NTF3: variants seen among roughly 807,000 people sequenced by gnomAD.
The protein encoded by NTF3 is neurotrophin 3.
In NTF3, 8 loss-of-function variants were observed where a neutral mutation model predicts 26.3. The ratio of observed to expected loss-of-function variants is 0.30; its 90% CI spans 0.18 to 0.55. NTF3 has a LOEUF of 0.55. NTF3 is among the 20% of genes least tolerant of loss of function. The pLI, the probability that NTF3 is intolerant of heterozygous loss-of-function variation, is 0.93. For synonymous variants in NTF3, 154 were observed against 145.5 expected (o/e 1.06, Z -0.42); for missense variants, 276 against 352.9 (o/e 0.78, Z 1.75).
chr12:5,462,661 A>T (rs1024365933), intron 1 of NTF3, among the ~76,000 whole-genome samples: 1 of 152,224 alleles, frequency 6.6e-6, no homozygotes, highest in African/African-American at 2.4e-5. Flanking sequence ...GTGAAGGCAG[A>T]TGGAGAACAG....
At chr12:5,489,548 A>G (rs1357291822) in intron 1 of NTF3, among the ~76,000 whole-genome samples, 1 of 152,192 alleles carries the variant, frequency 6.6e-6, no homozygotes, top group African/African-American at 2.4e-5. Flanking sequence ...GATGGTTGTT[A>G]CTAGGATTTA....
At chr12:5,491,928 A>T (rs1182881902) in intron 1 of NTF3, among the ~76,000 whole-genome samples, 1 of 151,448 alleles carries the variant, frequency 6.6e-6, no homozygotes, top group Non-Finnish European at 1.5e-5. Context: ...GTTAGCCAGG[A>T]TGGTCTCGAT....
At chr12:5,437,745 A>T (rs56410681) in intron 1 of NTF3, among the ~76,000 whole-genome samples, 13,106 of 152,278 alleles carry the variant, frequency 0.086, 614 homozygotes, top group South Asian at 0.12. Flanking sequence ...TTATTTAAAA[A>T]TGAGTTTGTT....
intron 1 of NTF3, among the ~76,000 whole-genome samples, chr12:5,484,472 A>G (rs1940843515): frequency 6.6e-6 from 1 of 152,216 alleles, no homozygotes; most frequent in Admixed American, 6.5e-5. Context: ...GTGGGACACT[A>G]GGATGATTTT....
At chr12:5,484,515 A>T (rs565210998) in intron 1 of NTF3, among the ~76,000 whole-genome samples, 7 of 152,272 alleles carry the variant, frequency 4.6e-5, no homozygotes, top group Admixed American at 2.0e-4. Flanking sequence ...GAAATTTTTT[A>T]AAATATTTTT....
At chr12:5,462,085 T>G (rs1940532557) in intron 1 of NTF3, among the ~76,000 whole-genome samples, 1 of 152,326 alleles carries the variant, frequency 6.6e-6, no homozygotes, top group South Asian at 2.1e-4. Flanking sequence ...ATACAGCAAC[T>G]GTGCTGCCAT....
chr12:5,451,612 C>A (rs1940373398), intron 1 of NTF3, among the ~76,000 whole-genome samples: 1 of 152,158 alleles, frequency 6.6e-6, no homozygotes, highest in Non-Finnish European at 1.5e-5. Flanking sequence ...CTTTGACATT[C>A]TTTCTCTGTG....
intron 1 of NTF3, among the ~76,000 whole-genome samples, chr12:5,484,903 T>G (rs1212222673): frequency 2.0e-5 from 3 of 152,222 alleles, no homozygotes; most frequent in Non-Finnish European, 4.4e-5. Context: ...GAGTTGGTTT[T>G]TATTAACAGA....
chr12:5,471,203 G>A (rs1482285237), intron 1 of NTF3, among the ~76,000 whole-genome samples: 1 of 152,114 alleles, frequency 6.6e-6, no homozygotes, highest in African/African-American at 2.4e-5. Context: ...TATTAATGTG[G>A]AACAGACGGC....
chr12:5,458,967 C>G (rs573887298), intron 1 of NTF3, among the ~76,000 whole-genome samples: 52 of 152,312 alleles, frequency 3.4e-4, no homozygotes, highest in African/African-American at 1.2e-3. Flanking sequence ...TGGTAACTCA[C>G]TCTTTAGTTT....
intron 1 of NTF3, among the ~76,000 whole-genome samples, chr12:5,493,221 C>T (rs958419817): frequency 5.9e-5 from 9 of 152,248 alleles, no homozygotes; most frequent in South Asian, 2.1e-4. Flanking sequence ...TCCACCAGGA[C>T]GCCACCGGAG....
intron 1 of NTF3, among the ~76,000 whole-genome samples, chr12:5,450,956 T>C (rs966265628): frequency 2.0e-5 from 3 of 152,206 alleles, no homozygotes; most frequent in East Asian, 1.9e-4. Flanking sequence ...TCATCCAAGA[T>C]TAAATGTCTA....
rs147606998 is a variant in NTF3, at chr12:5,445,525, G to T, written c.18+13183G>T. Among the ~76,000 whole-genome samples the T allele has an allele frequency of 1.3e-3, 192 of 152,248 alleles. 1 individual carries two copies. Among genetic ancestry groups the T allele is most frequent in the African/African-American group, 4.3e-3 (180 of 41,538 alleles). On this transcript the variant is annotated intron_variant, in intron 1 of 1. Transcript: ENST00000423158. ...GCTTGGGGAGTGTGAATACTCCTTGGCAAAGCCAAAGGGAGCCAAAGAGGA... is the reference window on the plus strand; with the variant it reads ...GCTTGGGGAGTGTGAATACTCCTTGTCAAAGCCAAAGGGAGCCAAAGAGGA...
chr12:5,488,608 G>C (rs1265967303), intron 1 of NTF3, among the ~76,000 whole-genome samples: 2 of 152,168 alleles, frequency 1.3e-5, no homozygotes, highest in Admixed American at 6.5e-5. Flanking sequence ...AGCATAGCCA[G>C]TCTTTTATAT....
At position 5,494,806 on chromosome 12, in the gene NTF3, G is replaced by C; in HGVS notation, c.631G>C (p.Ala211Pro). The change falls in exon 2 of 2, where the codon GCC (alanine) becomes CCC (proline). Residue 211 changes from alanine to proline, a missense_variant. By Grantham distance (27) the Ala-to-Pro change is conservative. This residue lies in a region of NTF3 where 52 missense variants were observed against 78.4 expected (regional missense o/e 0.66). Transcript: ENST00000423158. This position sits in a 1 kb window ranked among gnomAD's most constrained non-coding sequence, Gnocchi z 8.3. ...TTTTTATGAAACGCGATGTAAGGAA[G>C]CCAGGCCGGTCAAAAACGGTTGCAG... ...QYFYETRCKEARPVKNGCRGI... is the reference protein window; with the variant it reads ...QYFYETRCKEPRPVKNGCRGI... 6.2e-7 allele frequency: 1 copy of C among 1,614,138 alleles called. No individual in the cohort carries two copies. The highest frequency in any genetic ancestry group is 2.2e-5 in the East Asian group (1 of 44,874).
chr12:5,474,480 C>A (rs1940699826), intron 1 of NTF3, among the ~76,000 whole-genome samples: 1 of 152,098 alleles, frequency 6.6e-6, no homozygotes, highest in South Asian at 2.1e-4. Flanking sequence ...TTTGGAAAAC[C>A]CAGGTCCCTC....
chr12:5,472,423 C>T (rs1940676779), intron 1 of NTF3, among the ~76,000 whole-genome samples: 1 of 152,136 alleles, frequency 6.6e-6, no homozygotes, highest in Non-Finnish European at 1.5e-5. Flanking sequence ...AATATTCGTC[C>T]TCATATTGAA....
At chr12:5,440,829 A>G (rs1332753129) in intron 1 of NTF3, among the ~76,000 whole-genome samples, 4 of 152,244 alleles carry the variant, frequency 2.6e-5, no homozygotes, top group African/African-American at 9.6e-5. Context: ...TCGGCCCCAC[A>G]CTGTGGCCCA....
At chr12:5,465,709 C>T (rs1470662888) in intron 1 of NTF3, among the ~76,000 whole-genome samples, 2 of 152,228 alleles carry the variant, frequency 1.3e-5, no homozygotes, top group South Asian at 2.1e-4. Flanking sequence ...GATTTCCAGG[C>T]CCCCATCCCC....
Sources: allele counts gnomAD v4.1 joint callset (sites outside exome capture counted in the v4.1 genomes callset), GRCh38; gene constraint gnomAD v4.1.1; regional missense constraint gnomAD v4.1.1; non-coding constraint Gnocchi (gnomAD v3.1); transcripts MANE v1.5; gene names NCBI Gene and HGNC (gene_info 2026-07-23, HGNC 2026-07-21).